The following ANO10 variants were observed in gnomAD, a reference collection of about 807,000 sequenced individuals.
ANO10 encodes the protein anoctamin-10.
A neutral mutation model predicts 74.7 loss-of-function variants in ANO10; 77 were observed. The ratio of observed to expected loss-of-function variants is 1.03; its 90% CI spans 0.86 to 1.25. The LOEUF is 1.25. ANO10 is among the 50% of genes most tolerant of loss of function. The probability of loss-of-function intolerance (pLI) is 0.00; values close to 1 mark genes in which losing one functional copy is unlikely to be tolerated. For missense variants in ANO10, 721 were observed against 778.1 expected (o/e 0.93, Z 0.87); for synonymous variants, 279 against 284.9 (o/e 0.98, Z 0.21).
chr3:43,403,891 C>T (rs974322108), intron 12 of ANO10, among the ~76,000 whole-genome samples: 2 of 152,142 alleles, frequency 1.3e-5, no homozygotes, highest in Admixed American at 1.3e-4. Flanking sequence ...GCTCCCCCCA[C>T]TACACAATGA....
chr3:43,503,765 T>C (rs2077183557), intron 11 of ANO10, among the ~76,000 whole-genome samples: 1 of 152,200 alleles, frequency 6.6e-6, no homozygotes, highest in Non-Finnish European at 1.5e-5. Context: ...TTAAGATTTG[T>C]TTGAATTTCT....
At chr3:43,577,482 G>T (rs2081068387) in intron 5 of ANO10, among the ~76,000 whole-genome samples, 1 of 152,116 alleles carries the variant, frequency 6.6e-6, no homozygotes, top group African/African-American at 2.4e-5. Flanking sequence ...GGCCTTAGCT[G>T]GGGGGTGTGC....
intron 11 of ANO10, among the ~76,000 whole-genome samples, chr3:43,440,582 G>T (rs1242296093): frequency 2.6e-5 from 4 of 152,050 alleles, no homozygotes; most frequent in Non-Finnish European, 4.4e-5. Context: ...ATTGAAGGGA[G>T]AAATGAACAC....
At chr3:43,492,260 C>T (rs1309344033) in intron 11 of ANO10, among the ~76,000 whole-genome samples, 1 of 152,142 alleles carries the variant, frequency 6.6e-6, no homozygotes, top group Non-Finnish European at 1.5e-5. Flanking sequence ...AAACTGGACC[C>T]CTTCCTTACA....
intron 12 of ANO10, among the ~76,000 whole-genome samples, chr3:43,367,200 AT>A (rs2091442420): frequency 6.6e-6 from 1 of 152,138 alleles, no homozygotes; most frequent in South Asian, 2.1e-4. Context: ...ACCAGCAGGG[AT>A]TTTAAGGACA....
chr3:43,587,391 A>G (rs1461769755), intron 4 of ANO10, among the ~76,000 whole-genome samples: 1 of 152,110 alleles, frequency 6.6e-6, no homozygotes, highest in Non-Finnish European at 1.5e-5. Flanking sequence ...GCACAGAGAA[A>G]CGGGGAGGCC....
intron 11 of ANO10, among the ~76,000 whole-genome samples, chr3:43,480,074 G>A (rs192963492): frequency 5.3e-5 from 8 of 152,244 alleles, no homozygotes; most frequent in African/African-American, 1.7e-4. Context: ...AAGGAGGTGG[G>A]AACATTCAGA....
At chr3:43,444,923 A>G (rs903258608) in intron 11 of ANO10, among the ~76,000 whole-genome samples, 2 of 152,214 alleles carry the variant, frequency 1.3e-5, no homozygotes, top group East Asian at 3.9e-4. Flanking sequence ...GGAGATCGAG[A>G]CCATCCTGGC....
In ANO10 at chr3:43,605,761, G is replaced by T. The variant is rs1450088823; in HGVS notation, c.92C>A (p.Thr31Asn). The change falls in exon 2 of 13, where the codon ACC becomes AAC. Residue 31 changes from threonine to asparagine, a missense_variant. Coordinates refer to ENST00000292246, the MANE Select transcript of ANO10 (RefSeq NM_018075.5). ...AATTCTGTTTTTCAGCCATTCTTTG[G>T]TTTCTTCTTTGACATCCTGAGCAAG... ...IELAQDVKEE[T>N]KEWLKNRIIA... 6.2e-7 allele frequency: 1 copy of T among 1,613,510 alleles called. No homozygotes were observed. The highest frequency in any genetic ancestry group is 1.1e-5 in the South Asian group (1 of 91,060).
At chr3:43,582,796 T>C (rs2081320748) in intron 4 of ANO10, among the ~76,000 whole-genome samples, 1 of 152,226 alleles carries the variant, frequency 6.6e-6, no homozygotes, top group African/African-American at 2.4e-5. Context: ...TTGAAGTTAC[T>C]CAGCCTCTGG....
At chr3:43,564,419 T>A (rs959218849) in intron 8 of ANO10, among the ~76,000 whole-genome samples, 16 of 150,796 alleles carry the variant, frequency 1.1e-4, no homozygotes, top group Non-Finnish European at 2.2e-4. Context: ...AAAAAAAAAA[T>A]AGAAAAAAAG....
chr3:43,376,936 A>T (rs1285789731), intron 12 of ANO10, among the ~76,000 whole-genome samples: 1 of 152,220 alleles, frequency 6.6e-6, no homozygotes, highest in African/African-American at 2.4e-5. Context: ...TATTATCCTC[A>T]GCCCCATGAT....
chr3:43,434,154 C>A (rs1229058034), intron 11 of ANO10, among the ~76,000 whole-genome samples: 1 of 152,146 alleles, frequency 6.6e-6, no homozygotes, highest in African/African-American at 2.4e-5. Flanking sequence ...CCAGGACAGG[C>A]TAAGCAGTGG....
chr3:43,676,255 T>G (rs958599206), intron 1 of ANO10, among the ~76,000 whole-genome samples: 1 of 151,658 alleles, frequency 6.6e-6, no homozygotes, highest in Non-Finnish European at 1.5e-5. Context: ...GCCTGGGAGT[T>G]TGACACCAGC....
chr3:43,373,854 A>C (rs908815641), intron 12 of ANO10, among the ~76,000 whole-genome samples: 3 of 152,192 alleles, frequency 2.0e-5, no homozygotes, highest in African/African-American at 7.2e-5. Flanking sequence ...TGCTAACACA[A>C]AATGACCAAG....
chr3:43,382,983 C>T (rs771823487), intron 12 of ANO10, among the ~76,000 whole-genome samples: 6 of 152,084 alleles, frequency 3.9e-5, no homozygotes, highest in Non-Finnish European at 7.4e-5. Flanking sequence ...GACATTATTC[C>T]AAAAGATAGA....
chr3:43,564,070 G>A (rs561470001), intron 8 of ANO10, among the ~76,000 whole-genome samples: 5 of 150,866 alleles, frequency 3.3e-5, no homozygotes, highest in South Asian at 2.1e-4. Flanking sequence ...TTTGAGACAC[G>A]GTCTCACTTT....
rs150888366 is a variant in ANO10 at position 43,480,912 on chromosome 3, A to C, written c.1798-48185T>G. On this transcript the variant is annotated intron_variant, in intron 11 of 12. Coordinates refer to ENST00000292246, the MANE Select transcript of ANO10 (RefSeq NM_018075.5). ...ATGCTTAAGGAAACATAATCATGGC[A>C]CACTACGTACTTATCTACAAATACA... is the stretch of plus-strand genomic sequence containing the variant. 2.5e-4 allele frequency among the ~76,000 whole-genome samples: 38 copies of C among 152,326 alleles called. No individual in the cohort carries two copies. The East Asian group carries it at 6.9e-3, about 28-fold the overall frequency.
Position 43,604,233 on chromosome 3 carries a change from A to G in ANO10, c.139+1481T>C, listed in dbSNP as rs376609539. Among the ~76,000 whole-genome samples the G allele has an allele frequency of 2.9e-4, 44 of 152,140 alleles. No individual in the cohort carries two copies. The South Asian group carries it at 8.7e-3, about 30-fold the overall frequency. ...CATTTCTTTGTGTTGGGAACATTCA[A>G]TATCCTCCTTCTAGCTATTTGAAAC... On this transcript the variant is annotated intron_variant, in intron 2 of 12. Transcript: ENST00000292246.
Sources: allele counts gnomAD v4.1 joint callset (sites outside exome capture counted in the v4.1 genomes callset), GRCh38; gene constraint gnomAD v4.1.1; transcripts MANE v1.5; gene names NCBI Gene and HGNC (gene_info 2026-07-23, HGNC 2026-07-21).